The following CACNA1C variants were observed in gnomAD, a reference collection of about 807,000 sequenced individuals.
The protein encoded by CACNA1C is voltage-dependent L-type calcium channel subunit alpha-1C.
A neutral mutation model predicts 229.0 loss-of-function variants in CACNA1C; 30 were observed. That is an observed-to-expected ratio of 0.13 (90% confidence interval 0.10 to 0.18). The LOEUF (loss-of-function observed/expected upper bound fraction) is 0.18. Among genes scored for constraint, CACNA1C ranks in the 10% least tolerant of loss-of-function variants. The pLI is 1.00. For synonymous variants in CACNA1C, 1,114 were observed against 1,132.5 expected (o/e 0.98, Z 0.33); for missense variants, 1,658 against 2,845.0 (o/e 0.58, Z 9.49).
At position 2,646,676 on chromosome 12, in the gene CACNA1C, C is replaced by A. The variant is rs2094387402; in HGVS notation, c.3913-1799C>A. ...CAGTGGATAGCTAGACCTGACCATC[C>A]TGGGCAACTATCACACACCAGAGCA... On this transcript the variant is annotated intron_variant, in intron 30 of 46. Transcript: ENST00000399655. The surrounding 1 kb of genome is among the most constrained non-coding windows in gnomAD (Gnocchi z 4.6). The A allele has an allele frequency of 1.3e-5, 2 of 152,114 alleles. No individual in the cohort carries two copies. Among genetic ancestry groups the A allele is most frequent in the Non-Finnish European group, 2.9e-5 (2 of 68,062 alleles). The allele number at this position is 152,114 out of a possible 1,614,324, so 9.4% of individuals were successfully genotyped here.
chr12:2,226,136 CA>C (rs1566519284), intron 3 of CACNA1C, among the ~76,000 whole-genome samples: 24 of 129,346 alleles, frequency 1.9e-4, no homozygotes, highest in African/African-American at 7.2e-4. Context: ...CACACACACA[CA>C]CACACACACA....
At chr12:2,157,739 A>T (rs2095626211) in intron 3 of CACNA1C, among the ~76,000 whole-genome samples, 1 of 152,204 alleles carries the variant, frequency 6.6e-6, no homozygotes, top group Non-Finnish European at 1.5e-5. Context: ...AGGATCCCTA[A>T]ATGTCCCTAA....
intron 21 of CACNA1C, among the ~76,000 whole-genome samples, chr12:2,598,133 C>T (rs1278899883): frequency 6.6e-6 from 1 of 152,200 alleles, no homozygotes; most frequent in Non-Finnish European, 1.5e-5. Flanking sequence ...TGCTGCAAAG[C>T]TTTGTCACAG....
intron 9 of CACNA1C, among the ~76,000 whole-genome samples, chr12:2,518,632 G>T (rs1315090203): frequency 6.6e-6 from 1 of 151,504 alleles, no homozygotes; most frequent in African/African-American, 2.4e-5. Flanking sequence ...AAATCAGTAC[G>T]ATCAGTATTT....
At chr12:2,662,095 A>G (rs1389488294) in intron 34 of CACNA1C, among the ~76,000 whole-genome samples, 1 of 152,120 alleles carries the variant, frequency 6.6e-6, no homozygotes, top group East Asian at 1.9e-4. Flanking sequence ...ACAAAAAATT[A>G]GCCGGGCGTG....
At chr12:2,499,004 G>T (rs2099752964) in intron 7 of CACNA1C, among the ~76,000 whole-genome samples, 1 of 152,150 alleles carries the variant, frequency 6.6e-6, no homozygotes, top group Non-Finnish European at 1.5e-5. Context: ...TTAGGAGCTT[G>T]TTGTTTTCTT....
At chr12:2,569,651 T>C (rs929872889) in intron 13 of CACNA1C, among the ~76,000 whole-genome samples, 1 of 152,240 alleles carries the variant, frequency 6.6e-6, no homozygotes, top group South Asian at 2.1e-4. Flanking sequence ...GTGAATAATA[T>C]TCCATTGTAG....
At chr12:2,234,711 G>A (rs1475399620) in intron 3 of CACNA1C, among the ~76,000 whole-genome samples, 5 of 152,014 alleles carry the variant, frequency 3.3e-5, no homozygotes, top group African/African-American at 9.7e-5. Flanking sequence ...GAACAGCCTC[G>A]TATGTCCCAT....
intron 9 of CACNA1C, among the ~76,000 whole-genome samples, chr12:2,520,098 CAAT>C: frequency 6.6e-5 from 10 of 151,556 alleles, no homozygotes; most frequent in South Asian, 2.1e-4. Context: ...TCTCATTGCC[CAAT>C]GGCCGTGTGC....
At chr12:2,453,285 C>T (rs1027640398) in intron 4 of CACNA1C, among the ~76,000 whole-genome samples, 2 of 152,268 alleles carry the variant, frequency 1.3e-5, no homozygotes, top group Non-Finnish European at 1.5e-5. Context: ...TCTGGCTAAT[C>T]CCCCAGCTGC....
At chr12:2,530,015 C>G (rs2099837098) in intron 9 of CACNA1C, among the ~76,000 whole-genome samples, 1 of 152,236 alleles carries the variant, frequency 6.6e-6, no homozygotes, top group Admixed American at 6.5e-5. Flanking sequence ...CAGCACAATG[C>G]TCATTTCATT....
chr12:2,303,411 C>T (rs1360223326), intron 3 of CACNA1C, among the ~76,000 whole-genome samples: 3 of 152,128 alleles, frequency 2.0e-5, no homozygotes, highest in Non-Finnish European at 4.4e-5. Context: ...TCTACAAAGA[C>T]GCCATTCATG....
intron 1 of CACNA1C, among the ~76,000 whole-genome samples, chr12:1,974,697 T>C (rs2033738994): frequency 6.6e-6 from 1 of 152,182 alleles, no homozygotes; most frequent in African/African-American, 2.4e-5. Context: ...CGTTTGATAA[T>C]GGCAATCCCA....
intron 3 of CACNA1C, among the ~76,000 whole-genome samples, chr12:2,244,682 T>G (rs960144346): frequency 1.3e-5 from 2 of 152,208 alleles, no homozygotes; most frequent in Non-Finnish European, 2.9e-5. Context: ...ATCACCTGCT[T>G]TGGGCTGTGC....
In CACNA1C at chr12:2,611,319, C is replaced by T. The variant is rs371687350; in HGVS notation, c.3718-584C>T. 5.9e-3 allele frequency among the ~76,000 whole-genome samples: 547 copies of T among 91,998 alleles called. 2 individuals are homozygous for T. The highest frequency in any genetic ancestry group is 0.022 in the African/African-American group (517 of 23,464). The allele number at this position is 91,998 out of a possible 152,430, so 60.4% of individuals were successfully genotyped here. A position where few individuals can be genotyped will look rare whatever the true frequency, so the allele number is the denominator to read the frequency against. On this transcript the variant is annotated intron_variant, in intron 28 of 46. Coordinates refer to ENST00000399655, the MANE Select transcript of CACNA1C (RefSeq NM_000719.7). ...TGGAGAGAGGGGAGGAGATGGAGAA[C>T]GGAGGGATGAGCTGGATGTGTTCGT...
At chr12:2,321,312 G>C (rs993277210) in intron 3 of CACNA1C, among the ~76,000 whole-genome samples, 5 of 152,064 alleles carry the variant, frequency 3.3e-5, no homozygotes, top group Non-Finnish European at 7.4e-5. Flanking sequence ...CTGTCCACCT[G>C]TTAGGGCAAC....
intron 28 of CACNA1C, 71 bp from the exon 29 acceptor site, chr12:2,611,832 T>C: frequency 1.0e-6 from 1 of 970,624 alleles, no homozygotes; most frequent in Non-Finnish European, 1.6e-6. Flanking sequence ...TCGAGAAGGC[T>C]GGGCAAAAGG....
chr12:2,599,284 C>T (rs1433584477), intron 21 of CACNA1C, among the ~76,000 whole-genome samples: 4 of 152,218 alleles, frequency 2.6e-5, no homozygotes, highest in African/African-American at 4.8e-5. Context: ...GTACCTCCTT[C>T]CCACTGGGTC....
chr12:2,532,420 C>T (rs2099843291), intron 9 of CACNA1C, among the ~76,000 whole-genome samples: 3 of 152,216 alleles, frequency 2.0e-5, no homozygotes, highest in Non-Finnish European at 2.9e-5. Flanking sequence ...AGAAGGCCCG[C>T]TCCCCCACAG....
Sources: allele counts gnomAD v4.1 joint callset (sites outside exome capture counted in the v4.1 genomes callset), GRCh38; gene constraint gnomAD v4.1.1; non-coding constraint Gnocchi (gnomAD v3.1); transcripts MANE v1.5; gene names NCBI Gene and HGNC (gene_info 2026-07-23, HGNC 2026-07-21).